CCDC141: variants seen among roughly 807,000 people sequenced by gnomAD.
The protein encoded by CCDC141 is coiled-coil domain containing 141, also known as coiled-coil domain-containing protein 141.
A neutral mutation model predicts 181.0 loss-of-function variants in CCDC141; 168 were observed. The observed-to-expected ratio is 0.93, with a 90% CI of 0.82 to 1.05. The LOEUF is 1.05. Among genes scored for constraint, CCDC141 ranks in the 50% least tolerant of loss-of-function variants. The probability of loss-of-function intolerance (pLI) is 0.00; values close to 1 mark genes in which losing one functional copy is unlikely to be tolerated. For missense variants in CCDC141, 1,902 were observed against 1,788.5 expected (o/e 1.06, Z -1.14); for synonymous variants, 666 against 642.3 (o/e 1.04, Z -0.56).
At chr2:178,910,029 T>C (rs1279069566) in intron 7 of CCDC141, among the ~76,000 whole-genome samples, 5 of 152,182 alleles carry the variant, frequency 3.3e-5, no homozygotes, top group Non-Finnish European at 7.3e-5. Flanking sequence ...ATGAATCAGC[T>C]CTTTTCGGTC....
chr2:178,870,020 G>A lies in CCDC141; in HGVS notation c.2206-715C>T, dbSNP rs375791276. Among the ~76,000 whole-genome samples the A allele has an allele frequency of 3.9e-5, 6 of 152,108 alleles. No individual in the cohort carries two copies. In the East Asian group the frequency reaches 5.8e-4, roughly 15 times the overall value. ...GCCAAGGAGGGTGGACCACCTGAAG[G>A]CAGGAGTTCAAGACCAGCCTGGCCA... On this transcript the variant is annotated intron_variant, in intron 14 of 23. Coordinates refer to ENST00000443758, the MANE Select transcript of CCDC141 (RefSeq NM_173648.4).
At position 178,987,575 on chromosome 2, in the gene CCDC141, AAAGGGCT is replaced by A. The variant is rs1441134018; in HGVS notation, c.226-8907_226-8901del. 2.0e-5 allele frequency among the ~76,000 whole-genome samples: 3 copies of A among 151,570 alleles called. No homozygotes were observed. In the East Asian group the frequency reaches 5.9e-4, roughly 30 times the overall value. ...AATTTTCGCAACCTACTCATCTGAC[AAAGGGCT>A]AATATCCAGAATCTACAATGAACTC... is the stretch of plus-strand genomic sequence containing the variant. On this transcript the variant is annotated intron_variant, in intron 2 of 23. Coordinates refer to ENST00000443758, the MANE Select transcript of CCDC141 (RefSeq NM_173648.4).
chr2:178,854,478 C>G (rs1685299827), intron 19 of CCDC141, among the ~76,000 whole-genome samples: 1 of 152,104 alleles, frequency 6.6e-6, no homozygotes, highest in South Asian at 2.1e-4. Flanking sequence ...GAGTCGAGAT[C>G]ACGTCACTGC....
At chr2:178,984,324 A>G (rs953913292) in intron 2 of CCDC141, among the ~76,000 whole-genome samples, 7 of 151,650 alleles carry the variant, frequency 4.6e-5, no homozygotes, top group South Asian at 2.1e-4. Context: ...AGCACTAAAC[A>G]TGGAAAGGAA....
At chr2:178,865,693 G>A in intron 17 of CCDC141, 74 bp downstream of exon 17, 1 of 1,310,896 alleles carries the variant, frequency 7.6e-7, no homozygotes, top group East Asian at 2.7e-5. Context: ...GCACAAATGT[G>A]GACATTTAGA....
In CCDC141 at chr2:178,869,149, T is replaced by A; in HGVS notation, c.2362A>T (p.Lys788Ter). ...RIQDYEDILYKVVQFHQVKEE... is the reference protein window; with the variant it reads ...RIQDYEDILY ...TTGACTTGATGGAACTGGACCACCT[T>A]GTACAGGATATCCTCGTAATCCTGG... The change falls in exon 15 of 24, where the codon AAG becomes TAG. Residue 788 changes from lysine (K) to a stop codon, truncating the protein, a stop_gained. Transcript: ENST00000443758. LOFTEE classifies it high-confidence loss of function. 1 of 1,611,196 alleles carries A rather than the reference T, an allele frequency of 6.2e-7. No individual in the cohort carries two copies. Among genetic ancestry groups the A allele is most frequent in the Non-Finnish European group, 8.5e-7 (1 of 1,179,080 alleles).
chr2:179,019,782 A>C (rs1052413076), intron 2 of CCDC141, among the ~76,000 whole-genome samples: 3 of 152,018 alleles, frequency 2.0e-5, no homozygotes, highest in African/African-American at 7.2e-5. Context: ...TATTCATTTT[A>C]TTGAGACAGT....
Position 178,853,500 on chromosome 2 carries a change from G to A in CCDC141, c.3185C>T (p.Ser1062Leu), listed in dbSNP as rs1199910381. ...HQQFNKFIAP[S>L]VPQQEERIQE... is the part of the protein sequence containing the mutation. ...AATCCTTTCTTCTTGCTGCGGCACT[G>A]AGGGTGCAATAAACTTATTAAACTG... The change falls in exon 20 of 24, where the codon TCA becomes TTA. Residue 1062 changes from serine (S) to leucine (L), a missense_variant. By Grantham distance (145) the Ser-to-Leu change is moderately radical. Transcript: ENST00000443758. 1 of 1,614,144 alleles carries A rather than the reference G, an allele frequency of 6.2e-7. No individual in the cohort carries two copies. Among genetic ancestry groups the A allele is most frequent in the Admixed American group, 1.7e-5 (1 of 60,024 alleles).
intron 5 of CCDC141, among the ~76,000 whole-genome samples, chr2:178,960,374 C>T (rs1281089911): frequency 6.6e-6 from 1 of 152,110 alleles, no homozygotes; most frequent in Admixed American, 6.5e-5. Flanking sequence ...ATATGCGCTT[C>T]CAGCTATATG....
At position 178,903,893 on chromosome 2, in the gene CCDC141, G is replaced by A. The variant is rs550681894; in HGVS notation, c.1265+1436C>T. Among the ~76,000 whole-genome samples, 3 of 152,110 alleles carry A rather than the reference G, an allele frequency of 2.0e-5. No individual in the cohort carries two copies. The South Asian group carries it at 6.3e-4, about 32-fold the overall frequency. On this transcript the variant is annotated intron_variant, in intron 8 of 23. Coordinates refer to ENST00000443758, the MANE Select transcript of CCDC141 (RefSeq NM_173648.4). ...GAGACCCATTTGTTAAACTGTGACT[G>A]GACCATTTTGAAATTATAACTGGAA...
chr2:178,907,576 T>C (rs1300348703), intron 7 of CCDC141, among the ~76,000 whole-genome samples: 7 of 152,220 alleles, frequency 4.6e-5, no homozygotes, highest in Admixed American at 2.0e-4. Context: ...TCTTATACTA[T>C]AGGACTGTAA....
At chr2:178,877,936 G>T in intron 12 of CCDC141, 28 bp downstream of exon 12, 1 of 1,579,364 alleles carries the variant, frequency 6.3e-7, no homozygotes. Flanking sequence ...CCCTGCAGAA[G>T]GTGTGATCCA....
chr2:178,987,186 T>G, intron 2 of CCDC141, among the ~76,000 whole-genome samples: 1 of 139,662 alleles, frequency 7.2e-6, no homozygotes, highest in African/African-American at 2.6e-5. Context: ...TATCTGATCT[T>G]TGACAAACCT....
chr2:178,837,145 G>T lies in CCDC141; in HGVS notation c.4074C>A (p.Thr1358=). The change falls in exon 23 of 24, where the codon ACC becomes ACA. Residue 1358 remains threonine (T), a synonymous_variant. Coordinates refer to ENST00000443758, the MANE Select transcript of CCDC141 (RefSeq NM_173648.4). ...KMHADNNFTK[T]QDRLHASSDA... ...CAGAGGAAGCATGCAGCCTATCTTG[G>T]GTTTTAGTGAAGTTATTATCAGCAT... 2 of 1,613,890 alleles carry T rather than the reference G, an allele frequency of 1.2e-6. No homozygotes were observed. Among genetic ancestry groups the T allele is most frequent in the Non-Finnish European group, 1.7e-6 (2 of 1,179,936 alleles).
intron 5 of CCDC141, among the ~76,000 whole-genome samples, chr2:178,955,486 T>C (rs1009970509): frequency 4.6e-5 from 7 of 152,166 alleles, no homozygotes; most frequent in African/African-American, 1.4e-4. Flanking sequence ...ACTGTTTAAA[T>C]TGTGTTATAT....
At chr2:178,887,429 A>G (rs1305227989) in intron 9 of CCDC141, among the ~76,000 whole-genome samples, 1 of 152,192 alleles carries the variant, frequency 6.6e-6, no homozygotes, top group Non-Finnish European at 1.5e-5. Context: ...ATTGACTAAA[A>G]TGACCCTTGA....
chr2:178,884,833 T>A (rs1686803260), intron 11 of CCDC141, 68 bp downstream of exon 11: 1 of 1,302,850 alleles, frequency 7.7e-7, no homozygotes, highest in Admixed American at 2.0e-5. Flanking sequence ...AGAGCATATA[T>A]CCCCACAGAA....
intron 2 of CCDC141, among the ~76,000 whole-genome samples, chr2:179,031,993 TA>T (rs892100112): frequency 1.3e-5 from 2 of 152,060 alleles, no homozygotes; most frequent in East Asian, 3.9e-4. Flanking sequence ...AACTTACTTT[TA>T]AAAAAAATCA....
chr2:178,836,965 T>C lies in CCDC141; in HGVS notation c.4254A>G (p.Val1418=), dbSNP rs773302350. 8.7e-6 allele frequency: 14 copies of C among 1,613,982 alleles called. No homozygotes were observed. The South Asian group carries it at 1.2e-4, about 14-fold the overall frequency. The change falls in exon 23 of 24, where the codon GTA becomes GTG. Residue 1418 remains valine, a synonymous_variant. Transcript: ENST00000443758. ...APNFSRLLSN[V]TVMEGSPVTL... Reference sequence around the variant, plus strand: ...TCACTGGAGAACCTTCCATGACAGTTACATTAGACAGGAGCCTGGAGAAAT... The same window carrying C: ...TCACTGGAGAACCTTCCATGACAGTCACATTAGACAGGAGCCTGGAGAAAT...
Sources: allele counts gnomAD v4.1 joint callset (sites outside exome capture counted in the v4.1 genomes callset), GRCh38; gene constraint gnomAD v4.1.1; transcripts MANE v1.5; gene names NCBI Gene and HGNC (gene_info 2026-07-23, HGNC 2026-07-21).